EPHA10: variants seen among roughly 807,000 people sequenced by gnomAD.
EPHA10 encodes ephrin type-A receptor 10.
Under a neutral mutation model 109.7 loss-of-function variants are expected in EPHA10, and 120 were observed. The observed-to-expected ratio is 1.09, with a 90% confidence interval of 0.94 to 1.27. The LOEUF is 1.27. Among genes scored for constraint, EPHA10 ranks in the 50% most tolerant of loss-of-function variants. The pLI is 0.00. For missense variants in EPHA10, 1,396 were observed against 1,411.1 expected, an observed-to-expected ratio of 0.99 and a Z score of 0.17; for synonymous variants, 640 against 618.9, an observed-to-expected ratio of 1.03 and a Z score of -0.51.
intron 3 of EPHA10, chr1:37,760,576 G>A (rs902693850): frequency 9.7e-5 from 40 of 411,818 alleles, no homozygotes; most frequent in Non-Finnish European, 1.4e-4. Flanking sequence ...TCCGTGACTG[G>A]GAGATTCCTC....
chr1:37,719,678 ATG>A (rs201284300), intron 14 of EPHA10, 71 bp from the exon 15 acceptor site: 1 of 1,511,774 alleles, frequency 6.6e-7, no homozygotes, highest in Non-Finnish European at 9.1e-7. Context: ...GCACACACAC[ATG>A]CACACACACA....
chr1:37,721,515 G>A (rs1342538918), intron 11 of EPHA10, 145 bp downstream of exon 11: 6 of 804,890 alleles, frequency 7.5e-6, no homozygotes, highest in South Asian at 2.2e-5. Flanking sequence ...CCTTGAGTCA[G>A]TGAAAGCTGA....
In EPHA10 at chr1:37,754,204, G is replaced by A. The variant is rs368460028; in HGVS notation, c.1006+11C>T. The A allele has an allele frequency of 7.0e-6, 9 of 1,286,236 alleles. No individual in the cohort carries two copies. Among genetic ancestry groups the A allele is most frequent in the African/African-American group, 6.2e-5 (4 of 64,840 alleles). 79.7% of individuals were successfully genotyped at this position (1,286,236 alleles called of 1,614,324 possible). A position where few individuals can be genotyped will look rare whatever the true frequency, so the allele number is the denominator to read the frequency against. On this transcript the variant is annotated intron_variant, in intron 4 of 16. Transcript: ENST00000373048. The surrounding 1 kb of genome is among the most constrained non-coding windows in gnomAD (Gnocchi z 4.5). Reference sequence around the variant, plus strand: ...CCACCCTCCGCAGTGCAGCCTGGAGGGGGGACTCACGGGTGCAGGAAGCCG... The same window carrying A: ...CCACCCTCCGCAGTGCAGCCTGGAGAGGGGACTCACGGGTGCAGGAAGCCG...
At chr1:37,724,767 A>T (rs1645859598) in intron 8 of EPHA10, among the ~76,000 whole-genome samples, 1 of 152,192 alleles carries the variant, frequency 6.6e-6, no homozygotes, top group Non-Finnish European at 1.5e-5. Context: ...CAGGGTGTTG[A>T]CAGCCTGGGC....
chr1:37,755,760 C>T (rs960007187), intron 3 of EPHA10, among the ~76,000 whole-genome samples: 1 of 152,164 alleles, frequency 6.6e-6, no homozygotes, highest in Non-Finnish European at 1.5e-5. Context: ...CCCCACAGGC[C>T]TTAAGTGGTA....
chr1:37,748,024 A>G (rs943651381), intron 5 of EPHA10, among the ~76,000 whole-genome samples: 1 of 152,212 alleles, frequency 6.6e-6, no homozygotes, highest in African/African-American at 2.4e-5. Context: ...CTAGGAAAGC[A>G]CAAATTTATA....
intron 5 of EPHA10, among the ~76,000 whole-genome samples, chr1:37,743,872 A>G (rs1646191249): frequency 6.6e-6 from 1 of 151,156 alleles, no homozygotes; most frequent in Admixed American, 6.6e-5. Flanking sequence ...CATTAAGTTG[A>G]GGAACATCTG....
At position 37,753,095 on chromosome 1, in the gene EPHA10, A is replaced by C; in HGVS notation, c.1138T>G (p.Cys380Gly). ...DVTYSLLCLRCGREGPAGACE... is the reference protein window; with the variant it reads ...DVTYSLLCLRGGREGPAGACE... ...GCGCCCGCCGGGCCCTCGCGGCCGC[A>C]GCGCAGGCACAGCAGCGAGTAGGTG... The change falls in exon 5 of 17, where the codon TGC (cysteine) becomes GGC (glycine). Residue 380 changes from cysteine (C) to glycine (G), a missense_variant. By Grantham distance (159) the Cys-to-Gly change is radical (BLOSUM62 -3). Coordinates refer to ENST00000373048, the MANE Select transcript of EPHA10 (RefSeq NM_001099439.2). 1 of 1,330,918 alleles carries C rather than the reference A, an allele frequency of 7.5e-7. No individual in the cohort carries two copies. Among genetic ancestry groups the C allele is most frequent in the Non-Finnish European group, 9.6e-7 (1 of 1,040,300 alleles). 82.4% of individuals were successfully genotyped at this position (1,330,918 alleles called of 1,614,324 possible). A position where few individuals can be genotyped will look rare whatever the true frequency, so the allele number is the denominator to read the frequency against.
In EPHA10 at chr1:37,718,245, T is replaced by C. The variant is rs1007427635; in HGVS notation, c.*127A>G. The C allele has an allele frequency of 1.2e-6, 1 of 804,144 alleles. No homozygotes were observed. Among genetic ancestry groups the C allele is most frequent in the Non-Finnish European group, 2.0e-6 (1 of 493,584 alleles). 49.8% of individuals were successfully genotyped at this position (804,144 alleles called of 1,614,324 possible). On this transcript the variant is annotated 3_prime_UTR_variant, in exon 17 of 17. Transcript: ENST00000373048. ...GCGGGGAAGCTGTGGCCCCACCAGATCTGGGCCCAAGCAGAGGAAGAGAGC... is the reference window on the plus strand; with the variant it reads ...GCGGGGAAGCTGTGGCCCCACCAGACCTGGGCCCAAGCAGAGGAAGAGAGC...
At position 37,731,482 on chromosome 1, in the gene EPHA10, G is replaced by T. The variant is rs199986671; in HGVS notation, c.1592C>A (p.Ala531Asp). Residue 531 changes from alanine to aspartate, a missense_variant, in exon 7 of 17, where the codon GCC becomes GAC. Ala to Asp is a moderately radical substitution (Grantham distance 126, BLOSUM62 -2). Coordinates refer to ENST00000373048, the MANE Select transcript of EPHA10 (RefSeq NM_001099439.2). ...CTCCCAGGATGGCCCCGGGGAAGCG[G>T]CCCGGATCTGAAAGACGTAGCGGGT... Reference protein sequence around the residue: ...PATRYVFQIRAASPGPSWEAQ... With the variant: ...PATRYVFQIRDASPGPSWEAQ... 1.5e-5 allele frequency: 25 copies of T among 1,613,892 alleles called. No homozygotes were observed. The highest frequency in any genetic ancestry group is 2.1e-5 in the Non-Finnish European group (25 of 1,179,960).
chr1:37,740,366 C>T (rs376354211), intron 5 of EPHA10, among the ~76,000 whole-genome samples: 27 of 152,140 alleles, frequency 1.8e-4, no homozygotes, highest in Admixed American at 6.5e-4. Flanking sequence ...AGAGCAGGGG[C>T]GGGATCTCGG....
At chr1:37,730,840 C>T (rs928047507) in intron 7 of EPHA10, among the ~76,000 whole-genome samples, 7 of 151,668 alleles carry the variant, frequency 4.6e-5, no homozygotes, top group Admixed American at 1.3e-4. Context: ...TACAGGTGCC[C>T]GCCACCACGC....
chr1:37,760,574 T>A (rs1646421764), intron 3 of EPHA10: 2 of 425,236 alleles, frequency 4.7e-6, no homozygotes, highest in African/African-American at 2.1e-5. Flanking sequence ...GGTCCGTGAC[T>A]GGGAGATTCC....
At chr1:37,743,075 A>G (rs983536928) in intron 5 of EPHA10, among the ~76,000 whole-genome samples, 5 of 152,254 alleles carry the variant, frequency 3.3e-5, no homozygotes, top group Admixed American at 3.3e-4. Flanking sequence ...TGAAAACCTC[A>G]TAACTAATTC....
In EPHA10 at chr1:37,761,408, C is replaced by A. The variant is rs768526069; in HGVS notation, c.847G>T (p.Glu283Ter). The change falls in exon 3 of 17, where the codon GAA (glutamate) becomes TAA (stop). Residue 283 changes from glutamate (E) to a stop codon, truncating the protein, a stop_gained. Coordinates refer to ENST00000373048, the MANE Select transcript of EPHA10 (RefSeq NM_001099439.2). LOFTEE classifies it high-confidence loss of function. ...AGFQERGDFC[E>*]ACPPGFYKVS... ...CGGCCCCCAGCCAACTGGATACCTT[C>A]GCAGAAGTCACCACGCTCCTGGAAT... 6.3e-7 allele frequency: 1 copy of A among 1,599,220 alleles called. No homozygotes were observed. The highest frequency in any genetic ancestry group is 8.5e-7 in the Non-Finnish European group (1 of 1,179,742).
At chr1:37,735,169 C>G (rs1424170714) in intron 6 of EPHA10, 88 bp downstream of exon 6, 23 of 1,516,728 alleles carry the variant, frequency 1.5e-5, no homozygotes, top group Non-Finnish European at 2.1e-5. Flanking sequence ...GTAACGAGGG[C>G]TTTTGCTGGG....
rs976727861 is a variant in EPHA10, at chr1:37,718,409, C to T, written c.2990G>A (p.Arg997Gln). The stretch of plus-strand genomic sequence containing the variant: ...CCCCTGGCCCTGCAGCTGGAGCACT[C>T]GTGCCTGCAGGGCGCTGATCCCGCT... ...LLSGISALQA[R>Q]VLQLQGQGVQ... is the part of the protein sequence containing the mutation. The change falls in exon 17 of 17, where the codon CGA (arginine) becomes CAA (glutamine). Residue 997 changes from arginine to glutamine, a missense_variant. By Grantham distance (43) the Arg-to-Gln change is conservative. Transcript: ENST00000373048. 5.6e-6 allele frequency: 9 copies of T among 1,612,772 alleles called. No individual in the cohort carries two copies. Among genetic ancestry groups the T allele is most frequent in the South Asian group, 4.4e-5 (4 of 91,032 alleles).
intron 5 of EPHA10, 25 bp downstream of exon 5, chr1:37,752,851 G>T (rs1646349169): frequency 1.6e-6 from 2 of 1,253,774 alleles, no homozygotes; most frequent in South Asian, 2.9e-5. Flanking sequence ...GGTGGCCTCG[G>T]GGTGGGGGGC....
Position 37,718,101 on chromosome 1 carries a change from C to A in EPHA10, c.*271G>T. The A allele has an allele frequency of 2.2e-6, 1 of 462,050 alleles. No individual in the cohort carries two copies. The allele number at this position is 462,050 out of a possible 1,614,324, so 28.6% of individuals were successfully genotyped here. A position where few individuals can be genotyped will look rare whatever the true frequency, so the allele number is the denominator to read the frequency against. On this transcript the variant is annotated 3_prime_UTR_variant, in exon 17 of 17. Transcript: ENST00000373048. The stretch of plus-strand genomic sequence containing the variant: ...CCTGCCCCAGCTTTTCTCTGAGACC[C>A]CGAATTTCCTCCTGCTGTTATCTCA...
Sources: allele counts gnomAD v4.1 joint callset (sites outside exome capture counted in the v4.1 genomes callset), GRCh38; gene constraint gnomAD v4.1.1; non-coding constraint Gnocchi (gnomAD v3.1); transcripts MANE v1.5; gene names NCBI Gene and HGNC (gene_info 2026-07-23, HGNC 2026-07-21).